CR1L: variants seen among roughly 807,000 people sequenced by gnomAD.
CR1L encodes complement C3b/C4b receptor 1 like, also known as complement component receptor 1-like protein.
In CR1L, 59 loss-of-function variants were observed where a neutral mutation model predicts 62.3. That is an observed-to-expected ratio of 0.95 (90% CI 0.77 to 1.18). The LOEUF (loss-of-function observed/expected upper bound fraction) is 1.18, where lower values mean the gene tolerates loss of function less well. Ranked by LOEUF, CR1L falls within the 50% of genes most tolerant of loss-of-function variation. CR1L has a pLI of 0.00. For synonymous variants in CR1L, 279 were observed against 248.7 expected (o/e 1.12, Z -1.15); for missense variants, 700 against 702.8 (o/e 1.00, Z 0.04).
In CR1L at chr1:207,700,374, T is replaced by G. The variant is rs1440933321; in HGVS notation, c.1228+1100T>G. Among the ~76,000 whole-genome samples, 13 of 152,326 alleles carry G rather than the reference T, an allele frequency of 8.5e-5. No individual in the cohort carries two copies. The East Asian group carries it at 2.5e-3, about 29-fold the overall frequency. On this transcript the variant is annotated intron_variant, in intron 8 of 11. Coordinates refer to ENST00000508064, the MANE Select transcript of CR1L (RefSeq NM_175710.2). Reference sequence around the variant, plus strand: ...AGCTCATTGATTGGACTACTCAAGCTTTCTCTTATTTTTCATAACTCTGGT... The same window carrying G: ...AGCTCATTGATTGGACTACTCAAGCGTTCTCTTATTTTTCATAACTCTGGT...
intron 10 of CR1L, among the ~76,000 whole-genome samples, chr1:207,709,589 A>G (rs1031295097): frequency 2.0e-5 from 3 of 152,202 alleles, no homozygotes; most frequent in Admixed American, 6.5e-5. Flanking sequence ...TAATTCCAGT[A>G]CATTGGGAGG....
rs116523196 is a variant in CR1L, at chr1:207,705,768, A to G, written c.1329-2410A>G. ...CAGAAAACCATTGAGCTTATGACAA[A>G]AAACAGGAAATACATGTAAAAGAGA... On this transcript the variant is annotated intron_variant, in intron 9 of 11. Coordinates refer to ENST00000508064, the MANE Select transcript of CR1L (RefSeq NM_175710.2). 7.8e-3 allele frequency among the ~76,000 whole-genome samples: 1,186 copies of G among 152,228 alleles called. 22 individuals carry two copies. Among genetic ancestry groups the G allele is most frequent in the African/African-American group, 0.028 (1,150 of 41,544 alleles).
At chr1:207,677,316 A>G in intron 1 of CR1L, 73 bp from the exon 2 acceptor site, 1 of 900,332 alleles carries the variant, frequency 1.1e-6, no homozygotes, top group Admixed American at 4.0e-5. Context: ...ACAAAAAAAA[A>G]AAAAAAAAAA....
chr1:207,645,249 C>A lies in CR1L; in HGVS notation c.16C>A (p.Arg6Ser). The A allele has an allele frequency of 1.2e-6, 2 of 1,613,388 alleles. No homozygotes were observed. The highest frequency in any genetic ancestry group is 1.7e-5 in the Admixed American group (1 of 60,038). MAPPVRLERPFPSRRF... is the reference protein window; with the variant it reads MAPPVSLERPFPSRRF... ...CGCGCCGCTCATGGCGCCTCCCGTC[C>A]GTCTCGAGCGTCCCTTTCCTTCCCG... Residue 6 changes from arginine to serine, a missense_variant, in exon 1 of 12, where the codon CGT becomes AGT. Coordinates refer to ENST00000508064, the MANE Select transcript of CR1L (RefSeq NM_175710.2).
At chr1:207,706,369 C>T (rs1005466493) in intron 9 of CR1L, among the ~76,000 whole-genome samples, 25 of 151,670 alleles carry the variant, frequency 1.6e-4, no homozygotes, top group Admixed American at 1.1e-3. Context: ...TTCAGTGAGC[C>T]GTGATGGCAC....
chr1:207,657,436 C>A (rs1292832818), intron 1 of CR1L: 3 of 570,240 alleles, frequency 5.3e-6, no homozygotes, highest in Non-Finnish European at 9.4e-6. Flanking sequence ...GTAATTGGAT[C>A]TAATTTATTT....
At chr1:207,699,317 A>C in intron 8 of CR1L, 43 bp downstream of exon 8, 1 of 1,609,052 alleles carries the variant, frequency 6.2e-7, no homozygotes, top group Non-Finnish European at 8.5e-7. Flanking sequence ...TCTCCCCTTC[A>C]TCTGTTCAGT....
intron 1 of CR1L, among the ~76,000 whole-genome samples, chr1:207,649,415 G>A (rs996683772): frequency 6.6e-6 from 1 of 152,200 alleles, no homozygotes; most frequent in East Asian, 1.9e-4. Context: ...CGTAAACTCA[G>A]ACTTTGGTAT....
chr1:207,707,553 G>A lies in CR1L; in HGVS notation c.1329-625G>A, dbSNP rs186171406. On this transcript the variant is annotated intron_variant, in intron 9 of 11. Transcript: ENST00000508064. Reference sequence around the variant, plus strand: ...TGAGTCAGGAGAATTGCTTGAACTCGGGAGGCAGAGGTTGCAGTGAGCAGA... The same window carrying A: ...TGAGTCAGGAGAATTGCTTGAACTCAGGAGGCAGAGGTTGCAGTGAGCAGA... Among the ~76,000 whole-genome samples the A allele has an allele frequency of 4.6e-5, 7 of 152,180 alleles. No individual in the cohort carries two copies. The East Asian group carries it at 1.2e-3, about 25-fold the overall frequency.
At chr1:207,700,806 A>C (rs571204814) in intron 8 of CR1L, among the ~76,000 whole-genome samples, 1 of 152,212 alleles carries the variant, frequency 6.6e-6, no homozygotes, top group Non-Finnish European at 1.5e-5. Context: ...AGTGGCTGAC[A>C]CAGGATAAGT....
At chr1:207,715,392 G>C in intron 10 of CR1L, 3 of 1,584,538 alleles carry the variant, frequency 1.9e-6, no homozygotes, top group Non-Finnish European at 2.6e-6. Context: ...GTTCCAGTGT[G>C]TGAACGTGAG....
chr1:207,682,669 T>G (rs1449779744), intron 3 of CR1L, among the ~76,000 whole-genome samples: 1 of 152,214 alleles, frequency 6.6e-6, no homozygotes, highest in Non-Finnish European at 1.5e-5. Context: ...AAAACAAAGT[T>G]CTCAGCCATT....
In CR1L at chr1:207,708,144, T is replaced by C. The variant is rs35438924; in HGVS notation, c.1329-34T>C. ...GCTGTCAGGAAGTTGATGAGGTATG[T>C]ACAGCACAATTATTTTCCATTTTTT... On this transcript the variant is annotated intron_variant, in intron 9 of 11. Coordinates refer to ENST00000508064, the MANE Select transcript of CR1L (RefSeq NM_175710.2). 55 of 1,604,372 alleles carry C rather than the reference T, an allele frequency of 3.4e-5. No individual in the cohort carries two copies. The Admixed American group carries it at 6.8e-4, about 20-fold the overall frequency.
intron 7 of CR1L, 98 bp from the exon 8 acceptor site, chr1:207,699,091 G>T: frequency 4.6e-6 from 7 of 1,509,114 alleles, no homozygotes; most frequent in African/African-American, 1.4e-5. Flanking sequence ...CTGGCCTCAG[G>T]TCCTCAAAAT....
At chr1:207,662,756 T>C (rs902930285) in intron 1 of CR1L, among the ~76,000 whole-genome samples, 2 of 152,202 alleles carry the variant, frequency 1.3e-5, no homozygotes, top group African/African-American at 2.4e-5. Context: ...TTCTGCTCTG[T>C]TTTTTCCCCA....
At chr1:207,699,503 C>T (rs1188935126) in intron 8 of CR1L, among the ~76,000 whole-genome samples, 1 of 152,132 alleles carries the variant, frequency 6.6e-6, no homozygotes. Flanking sequence ...GCGATAAATC[C>T]TATGGTCGTG....
intron 1 of CR1L, among the ~76,000 whole-genome samples, chr1:207,674,365 A>G (rs1428189298): frequency 6.6e-6 from 1 of 152,334 alleles, no homozygotes; most frequent in Middle Eastern, 3.4e-3. Context: ...TAATAAAGCT[A>G]TAAAAACTTT....
chr1:207,713,448 T>C lies in CR1L; in HGVS notation c.1415-4016T>C, dbSNP rs538010226. 2.6e-5 allele frequency among the ~76,000 whole-genome samples: 4 copies of C among 152,372 alleles called. No homozygotes were observed. The South Asian group carries it at 6.2e-4, about 24-fold the overall frequency. ...GATGCAAGATTTTTCTCAGCCACTTTGCCAGCTGGTGACCTCTGGCCAGAA... is the reference window on the plus strand; with the variant it reads ...GATGCAAGATTTTTCTCAGCCACTTCGCCAGCTGGTGACCTCTGGCCAGAA... On this transcript the variant is annotated intron_variant, in intron 10 of 11. Transcript: ENST00000508064.
At chr1:207,662,985 G>A (rs1398243248) in intron 1 of CR1L, among the ~76,000 whole-genome samples, 1 of 152,228 alleles carries the variant, frequency 6.6e-6, no homozygotes, top group Non-Finnish European at 1.5e-5. Flanking sequence ...TGCAAATGCT[G>A]CTGCCTGATC....
Sources: allele counts gnomAD v4.1 joint callset (sites outside exome capture counted in the v4.1 genomes callset), GRCh38; gene constraint gnomAD v4.1.1; transcripts MANE v1.5; gene names NCBI Gene and HGNC (gene_info 2026-07-23, HGNC 2026-07-21).